Variants in MAP7D2 observed in about 807,000 individuals in gnomAD.
The protein encoded by MAP7D2 is MAP7 domain-containing protein 2.
Under a neutral mutation model 63.5 loss-of-function variants are expected in MAP7D2, and 33 were observed. The ratio of observed to expected loss-of-function variants is 0.52; its 90% CI spans 0.39 to 0.70. MAP7D2 has a LOEUF of 0.70. Among genes scored for constraint, MAP7D2 ranks in the 30% least tolerant of loss-of-function variants. MAP7D2 has a pLI of 0.00. For missense variants in MAP7D2, 626 were observed against 604.0 expected, an observed-to-expected ratio of 1.04 and a Z score of -0.38; for synonymous variants, 224 against 223.7, an observed-to-expected ratio of 1.00 and a Z score of -0.01.
chrX:20,027,758 GAGA>G (rs754266493), intron 8 of MAP7D2, among the ~76,000 whole-genome samples: 5 of 38,580 alleles, frequency 1.3e-4, no homozygotes, highest in African/African-American at 8.1e-4. Context: ...AAGGCGGGGG[GAGA>G]GAGAGAGAGA....
intron 4 of MAP7D2, among the ~76,000 whole-genome samples, chrX:20,053,565 G>T (rs1329060920): frequency 9.0e-6 from 1 of 111,389 alleles, no homozygotes; most frequent in Non-Finnish European, 1.9e-5. Flanking sequence ...TTTTGCAAAT[G>T]CTTTAACTGT....
chrX:20,116,262 C>T (rs1320005215), intron 1 of MAP7D2, among the ~76,000 whole-genome samples: 1 of 113,277 alleles, frequency 8.8e-6, no homozygotes, highest in Non-Finnish European at 1.9e-5. Flanking sequence ...GGTGACACGC[C>T]GATTTTGCCC....
chrX:20,037,318 G>C (rs748732307), intron 8 of MAP7D2, among the ~76,000 whole-genome samples: 1 of 111,174 alleles, frequency 9.0e-6, no homozygotes, highest in Non-Finnish European at 1.9e-5. Flanking sequence ...ATACATGATC[G>C]GGCTCGAGCA....
chrX:20,040,398 C>T (rs1275175345), intron 8 of MAP7D2, among the ~76,000 whole-genome samples: 2 of 112,071 alleles, frequency 1.8e-5, no homozygotes, highest in East Asian at 5.6e-4. Context: ...TGGAGTAGCA[C>T]TTTTAATTTC....
chrX:20,030,723 T>C (rs2074020440), intron 8 of MAP7D2, among the ~76,000 whole-genome samples: 2 of 111,791 alleles, frequency 1.8e-5, no homozygotes, highest in African/African-American at 6.5e-5. Context: ...CAGCCAACAT[T>C]CAGAAAAGTT....
intron 7 of MAP7D2, among the ~76,000 whole-genome samples, chrX:20,042,940 C>G (rs7062127): frequency 0.18 from 20,361 of 111,214 alleles, 1,406 homozygotes; most frequent in Non-Finnish European, 0.19. Flanking sequence ...AATGTAAAAT[C>G]ACTACAAAAA....
intron 1 of MAP7D2, among the ~76,000 whole-genome samples, chrX:20,082,255 G>A (rs1405480967): frequency 8.9e-6 from 1 of 112,531 alleles, no homozygotes. Context: ...TGGGCTGGGA[G>A]CAGTGGCTCA....
At chrX:20,029,825 G>A (rs1425312285) in intron 8 of MAP7D2, among the ~76,000 whole-genome samples, 1 of 107,296 alleles carries the variant, frequency 9.3e-6, no homozygotes, top group African/African-American at 3.5e-5. Context: ...ACAAAATACA[G>A]AATTAAAAAA....
Position 20,060,486 on chromosome X carries a change from GAA to G in MAP7D2, c.372+2926_372+2927del, listed in dbSNP as rs761035853. On this transcript the variant is annotated intron_variant, in intron 3 of 16. Coordinates refer to ENST00000379643, the MANE Select transcript of MAP7D2 (RefSeq NM_001168465.2). ...AGAAAGAAAGAAAGAAAGAAAGAAA[GAA>G]AGAGAAAGAGGCCTTTCTCTTTTCT... Among the ~76,000 whole-genome samples the G allele has an allele frequency of 3.6e-3, 360 of 101,091 alleles. 3 individuals carry two copies. The highest frequency in any genetic ancestry group is 0.01 in the African/African-American group (294 of 28,877). The allele number at this position is 101,091 out of a possible 115,157, so 87.8% of individuals were successfully genotyped here.
At chrX:20,047,671 C>A (rs1462629790) in intron 6 of MAP7D2, among the ~76,000 whole-genome samples, 1 of 106,362 alleles carries the variant, frequency 9.4e-6, no homozygotes, top group African/African-American at 3.5e-5. Flanking sequence ...AAAAAATTAG[C>A]TAAGTGTGGT....
Position 20,007,635 on chromosome X carries a change from T to C in MAP7D2, c.*790A>G, listed in dbSNP as rs902112409. The C allele has an allele frequency of 9.0e-6, 1 of 111,047 alleles. No individual in the cohort carries two copies. The highest frequency in any genetic ancestry group is 1.9e-5 in the Non-Finnish European group (1 of 52,916). The allele number at this position is 111,047 out of a possible 1,213,427, so 9.2% of individuals were successfully genotyped here. A position where few individuals can be genotyped will look rare whatever the true frequency, so the allele number is the denominator to read the frequency against. On this transcript the variant is annotated 3_prime_UTR_variant, in exon 17 of 17. Transcript: ENST00000379643. ...AAACCAACCACCTGCACGCGAGACA[T>C]AGGATTCATTCAGCTGGAAAGCCAC...
At chrX:20,047,279 C>A (rs912509521) in intron 6 of MAP7D2, among the ~76,000 whole-genome samples, 1 of 112,572 alleles carries the variant, frequency 8.9e-6, no homozygotes, top group Admixed American at 9.4e-5. Flanking sequence ...ACCAATGATA[C>A]CCTGCTAGTG....
chrX:20,052,252 T>C, intron 5 of MAP7D2: 1 of 137,470 alleles, frequency 7.3e-6, no homozygotes, highest in Non-Finnish European at 1.5e-5. Context: ...TTTCAGTGAC[T>C]TATCTGAGCC....
chrX:20,053,313 G>T (rs1481964451), intron 4 of MAP7D2, among the ~76,000 whole-genome samples: 1 of 111,825 alleles, frequency 8.9e-6, no homozygotes, highest in Admixed American at 9.5e-5. Context: ...AGGGATTTTT[G>T]AGCATGCTCA....
chrX:20,088,295 CTTT>C (rs10713735), intron 1 of MAP7D2, among the ~76,000 whole-genome samples: 1 of 86,317 alleles, frequency 1.2e-5, no homozygotes, highest in Non-Finnish European at 2.3e-5. Flanking sequence ...CAATAGTTTT[CTTT>C]TTTTTTTTTT....
chrX:20,039,801 C>A (rs2064599780), intron 8 of MAP7D2, among the ~76,000 whole-genome samples: 1 of 110,071 alleles, frequency 9.1e-6, no homozygotes, highest in Non-Finnish European at 1.9e-5. Flanking sequence ...GAGATGGAGA[C>A]CATCCTGGCC....
intron 8 of MAP7D2, among the ~76,000 whole-genome samples, chrX:20,039,014 T>C (rs1277053260): frequency 8.9e-6 from 1 of 111,896 alleles, no homozygotes; most frequent in Non-Finnish European, 1.9e-5. Flanking sequence ...AAACTTTGGG[T>C]CACTCCACCA....
intron 8 of MAP7D2, among the ~76,000 whole-genome samples, chrX:20,028,679 C>T (rs1017508003): frequency 5.4e-5 from 6 of 111,715 alleles, no homozygotes; most frequent in African/African-American, 2.0e-4. Context: ...TACCCGCCAC[C>T]CAACCACCAC....
At chrX:20,064,648 C>A in intron 2 of MAP7D2, 80 bp downstream of exon 2, 4 of 870,297 alleles carry the variant, frequency 4.6e-6, no homozygotes, top group Non-Finnish European at 5.1e-6. Flanking sequence ...CATTCATTCA[C>A]AAATTTCTAA....
Sources: allele counts gnomAD v4.1 joint callset (sites outside exome capture counted in the v4.1 genomes callset), GRCh38; gene constraint gnomAD v4.1.1; transcripts MANE v1.5; gene names NCBI Gene and HGNC (gene_info 2026-07-23, HGNC 2026-07-21).